Variants in TCERG1 observed in about 807,000 individuals in gnomAD.
The protein encoded by TCERG1 is transcription elongation regulator 1.
TCERG1 carries 37 observed loss-of-function variants against 144.7 expected under a neutral mutation model. The ratio of observed to expected loss-of-function variants is 0.26; its 90% CI spans 0.20 to 0.34. The LOEUF is 0.34. TCERG1 is among the 10% of genes least tolerant of loss of function. The pLI, the probability that TCERG1 is intolerant of heterozygous loss-of-function variation, is 1.00. For missense variants in TCERG1, 1,027 were observed against 1,380.7 expected (o/e 0.74, Z 4.06); for synonymous variants, 492 against 458.2 (o/e 1.07, Z -0.94).
rs201815638 is a variant in TCERG1, at chr5:146,456,461, G to A, written c.286-722G>A. Reference sequence around the variant, plus strand: ...CTTTCTTGGTCTTGGATAATTGTTTGGCTTTATATTAAGTCCAAGTGATTT... The same window carrying A: ...CTTTCTTGGTCTTGGATAATTGTTTAGCTTTATATTAAGTCCAAGTGATTT... On this transcript the variant is annotated intron_variant, in intron 2 of 22. Transcript: ENST00000679501. Among the ~76,000 whole-genome samples the A allele has an allele frequency of 1.1e-4, 16 of 152,166 alleles. 1 individual carries two copies. In the East Asian group the frequency reaches 3.1e-3, roughly 29 times the overall value.
At chr5:146,485,040 A>G (rs1171510232) in intron 15 of TCERG1, among the ~76,000 whole-genome samples, 2 of 152,226 alleles carry the variant, frequency 1.3e-5, no homozygotes, top group African/African-American at 4.8e-5. Context: ...CATTTCATTG[A>G]GAATAAAATT....
At chr5:146,491,375 C>T (rs998832637) in intron 15 of TCERG1, among the ~76,000 whole-genome samples, 2 of 151,890 alleles carry the variant, frequency 1.3e-5, no homozygotes, top group African/African-American at 4.8e-5. Flanking sequence ...GTTTTGCCCC[C>T]AGGAGACATT....
intron 5 of TCERG1, among the ~76,000 whole-genome samples, chr5:146,465,272 G>A (rs1220958429): frequency 2.0e-5 from 3 of 152,184 alleles, no homozygotes; most frequent in Non-Finnish European, 4.4e-5. Flanking sequence ...ATCTCAAGGA[G>A]TTGGGGTTGC....
chr5:146,461,559 A>G (rs1304564963), intron 4 of TCERG1, among the ~76,000 whole-genome samples: 1 of 152,168 alleles, frequency 6.6e-6, no homozygotes, highest in Non-Finnish European at 1.5e-5. Flanking sequence ...CTGCTAATCA[A>G]ATTCAGAAAA....
chr5:146,447,445 G>C, intron 1 of TCERG1, 37 bp downstream of exon 1: 1 of 1,595,830 alleles, frequency 6.3e-7, no homozygotes. Flanking sequence ...CTCTGCTCAC[G>C]AGAGCCCCAG....
At chr5:146,450,082 A>C (rs1762224399) in intron 1 of TCERG1, among the ~76,000 whole-genome samples, 1 of 152,228 alleles carries the variant, frequency 6.6e-6, no homozygotes, top group Admixed American at 6.5e-5. Flanking sequence ...TATCATTATT[A>C]AAACAATAAT....
rs1022108074 is a variant in TCERG1, at chr5:146,454,911, T to G, written c.60-145T>G. The G allele has an allele frequency of 1.7e-5, 15 of 860,820 alleles. No individual in the cohort carries two copies. In the African/African-American group the frequency reaches 2.6e-4, roughly 15 times the overall value. 53.3% of individuals were successfully genotyped at this position (860,820 alleles called of 1,614,324 possible). A position where few individuals can be genotyped will look rare whatever the true frequency, so the allele number is the denominator to read the frequency against. ...CTGCACCCGGCCCATTGATGTAGTT[T>G]TTATCATGACGGTTGCAAAATGATG... is the stretch of plus-strand genomic sequence containing the variant. On this transcript the variant is annotated intron_variant, in intron 1 of 22. Coordinates refer to ENST00000679501, the MANE Select transcript of TCERG1 (RefSeq NM_001382548.1).
At chr5:146,478,399 C>T (rs1765045456) in intron 9 of TCERG1, 94 bp from the exon 10 acceptor site, 2 of 1,289,032 alleles carry the variant, frequency 1.6e-6, no homozygotes, top group Admixed American at 5.5e-5. Flanking sequence ...TTCTTCAGTA[C>T]CCTCATCTCC....
chr5:146,462,315 G>C (rs1053153483), intron 4 of TCERG1, among the ~76,000 whole-genome samples: 1 of 152,122 alleles, frequency 6.6e-6, no homozygotes, highest in African/African-American at 2.4e-5. Flanking sequence ...TTCATTCTTA[G>C]TCCGATACAG....
intron 15 of TCERG1, among the ~76,000 whole-genome samples, chr5:146,486,482 C>T (rs1235191106): frequency 6.6e-6 from 1 of 152,166 alleles, no homozygotes; most frequent in Non-Finnish European, 1.5e-5. Flanking sequence ...AAGGATGCTA[C>T]TAGGTTCTGA....
intron 9 of TCERG1, 24 bp downstream of exon 9, chr5:146,471,600 ATTTTTTT>A: frequency 7.2e-7 from 1 of 1,388,790 alleles, no homozygotes; most frequent in Non-Finnish European, 9.8e-7. Flanking sequence ...TCAAGTAGTA[ATTTTTTT>A]TTTTTTTTTG....
chr5:146,504,178 C>A lies in TCERG1; in HGVS notation c.2781+172C>A, dbSNP rs752831396. The A allele has an allele frequency of 8.7e-4, 517 of 592,348 alleles. 1 individual carries two copies. Among genetic ancestry groups the A allele is most frequent in the Non-Finnish European group, 1.1e-3 (426 of 394,744 alleles). The allele number at this position is 592,348 out of a possible 1,614,324, so 36.7% of individuals were successfully genotyped here. A position where few individuals can be genotyped will look rare whatever the true frequency, so the allele number is the denominator to read the frequency against. ...TTAGTACTGTTAGTATAGGAAAAAA[C>A]CCAAGTTATTCAACAAATTCAGAAG... On this transcript the variant is annotated intron_variant, in intron 19 of 22. Transcript: ENST00000679501.
At chr5:146,493,063 A>T in intron 16 of TCERG1, 25 bp downstream of exon 16, 1 of 1,431,898 alleles carries the variant, frequency 7.0e-7, no homozygotes, top group South Asian at 1.2e-5. Context: ...TCTCTTAAAT[A>T]TCAAAGTGTA....
intron 5 of TCERG1, 43 bp from the exon 6 acceptor site, chr5:146,468,298 C>T (rs375804788): frequency 9.3e-5 from 137 of 1,468,214 alleles, no homozygotes; most frequent in Middle Eastern, 8.9e-4. Context: ...AGCCGACATA[C>T]AATGGCAGCT....
intron 1 of TCERG1, among the ~76,000 whole-genome samples, chr5:146,449,868 T>C (rs1159139450): frequency 6.6e-6 from 1 of 152,190 alleles, no homozygotes; most frequent in Non-Finnish European, 1.5e-5. Context: ...CTTAAGATAC[T>C]TGCAATCTAA....
Position 146,482,742 on chromosome 5 carries a change from T to C in TCERG1, c.2073+15T>C. The C allele has an allele frequency of 1.9e-6, 3 of 1,591,054 alleles. No homozygotes were observed. Among genetic ancestry groups the C allele is most frequent in the Non-Finnish European group, 2.6e-6 (3 of 1,167,854 alleles). Reference sequence around the variant, plus strand: ...TAGAGAGAGGGGTCAGAAAACAATCTTTGGGGGAGATATTTCTGTTTTGTA... The same window carrying C: ...TAGAGAGAGGGGTCAGAAAACAATCCTTGGGGGAGATATTTCTGTTTTGTA... On this transcript the variant is annotated intron_variant, in intron 14 of 22. Transcript: ENST00000679501.
At chr5:146,453,379 T>C (rs1273820270) in intron 1 of TCERG1, among the ~76,000 whole-genome samples, 2 of 152,244 alleles carry the variant, frequency 1.3e-5, no homozygotes, top group Non-Finnish European at 2.9e-5. Flanking sequence ...TCTGCTTTAC[T>C]ATTTGCGTGC....
chr5:146,496,935 G>A (rs941994590), intron 16 of TCERG1, among the ~76,000 whole-genome samples: 3 of 141,944 alleles, frequency 2.1e-5, no homozygotes, highest in Middle Eastern at 3.8e-3. Flanking sequence ...GTGCAGTGGC[G>A]TGATCTCAGC....
chr5:146,449,463 C>T (rs1390064735), intron 1 of TCERG1, among the ~76,000 whole-genome samples: 1 of 152,192 alleles, frequency 6.6e-6, no homozygotes, highest in Admixed American at 6.5e-5. Context: ...AAGTGACTTA[C>T]ACAAGGTCAC....
Sources: gnomAD v4.1 joint callset for allele counts (sites outside exome capture counted in the v4.1 genomes callset) on GRCh38, gnomAD v4.1.1 for gene constraint, MANE v1.5 for transcripts, NCBI Gene and HGNC (gene_info 2026-07-23, HGNC 2026-07-21) for gene names.